HMGCS2: variants seen among roughly 807,000 people sequenced by gnomAD.
HMGCS2 encodes hydroxymethylglutaryl-CoA synthase, mitochondrial.
HMGCS2 carries 50 observed loss-of-function variants against 57.4 expected under a neutral mutation model. That is an observed-to-expected ratio of 0.87 (90% CI 0.69 to 1.10). The LOEUF is 1.10. Ranked by LOEUF, HMGCS2 falls within the 50% of genes least tolerant of loss-of-function variation. The pLI is 0.00. For synonymous variants in HMGCS2, 254 were observed against 245.1 expected (o/e 1.04, Z -0.34); for missense variants, 627 against 636.5 (o/e 0.99, Z 0.16).
intron 7 of HMGCS2, 120 bp downstream of exon 7, chr1:119,753,159 CT>C: frequency 1.4e-6 from 1 of 724,366 alleles, no homozygotes; most frequent in Non-Finnish European, 2.5e-6. Context: ...CAGTGATTTA[CT>C]TTGCTATTAA....
At chr1:119,760,423 G>A (rs373659883) in intron 2 of HMGCS2, among the ~76,000 whole-genome samples, 5 of 152,166 alleles carry the variant, frequency 3.3e-5, no homozygotes, top group African/African-American at 9.7e-5. Flanking sequence ...AATCCAATGA[G>A]GTAGGTAACA....
chr1:119,763,693 GA>G (rs1210345412), intron 2 of HMGCS2, among the ~76,000 whole-genome samples: 1 of 152,208 alleles, frequency 6.6e-6, no homozygotes, highest in Non-Finnish European at 1.5e-5. Flanking sequence ...AGAAAGAGTA[GA>G]AATACTCACA....
intron 1 of HMGCS2, 27 bp downstream of exon 1, chr1:119,768,714 C>G (rs777159343): frequency 6.7e-7 from 1 of 1,487,778 alleles, no homozygotes; most frequent in Middle Eastern, 1.7e-4. Context: ...TTACTAGTTA[C>G]AAGGTGCTTC....
chr1:119,749,556 G>A (rs587686554), intron 9 of HMGCS2, among the ~76,000 whole-genome samples: 5 of 152,214 alleles, frequency 3.3e-5, no homozygotes, highest in South Asian at 2.1e-4. Context: ...AACTGAGCTC[G>A]TCCTCTCAAA....
At chr1:119,766,086 C>G (rs1163225294) in intron 1 of HMGCS2, among the ~76,000 whole-genome samples, 5 of 152,190 alleles carry the variant, frequency 3.3e-5, no homozygotes. Flanking sequence ...GACCAATTCA[C>G]TTCTCTTTAA....
In HMGCS2 at chr1:119,764,152, A is replaced by G; in HGVS notation, c.559+20T>C. 6.2e-7 allele frequency: 1 copy of G among 1,608,418 alleles called. No homozygotes were observed. The highest frequency in any genetic ancestry group is 1.1e-5 in the South Asian group (1 of 90,928). ...CCAATTCCAGCACCTTTCTTACATA[A>G]GGTTCGTGGCCGTACATACCATCCC... On this transcript the variant is annotated intron_variant, in intron 2 of 9. Coordinates refer to ENST00000369406, the MANE Select transcript of HMGCS2 (RefSeq NM_005518.4).
chr1:119,759,094 C>G (rs1317884068), intron 4 of HMGCS2, 24 bp downstream of exon 4: 4 of 1,613,778 alleles, frequency 2.5e-6, no homozygotes, highest in Non-Finnish European at 2.5e-6. Flanking sequence ...AGAGCCCCCA[C>G]TTTCTGCCCT....
At position 119,759,915 on chromosome 1, in the gene HMGCS2, C is replaced by T. The variant is rs137852638; in HGVS notation, c.634G>A (p.Gly212Arg). The change falls in exon 3 of 10, where the codon GGA becomes AGA. Residue 212 changes from glycine (G) to arginine (R), a missense_variant. Coordinates refer to ENST00000369406, the MANE Select transcript of HMGCS2 (RefSeq NM_005518.4). The part of the protein sequence containing the change: ...SGNARPTGGA[G>R]AVAMLIGPKA... ...GGCCCAATCAGCATAGCCACAGCTCCGGCCCCACCTGTGGGACGAGCATTA... is the reference window on the plus strand; with the variant it reads ...GGCCCAATCAGCATAGCCACAGCTCTGGCCCCACCTGTGGGACGAGCATTA... The T allele has an allele frequency of 2.5e-4, 405 of 1,614,012 alleles. 1 individual carries two copies. Among genetic ancestry groups the T allele is most frequent in the Non-Finnish European group, 3.1e-4 (371 of 1,179,964 alleles).
intron 2 of HMGCS2, among the ~76,000 whole-genome samples, chr1:119,762,845 C>T (rs587712236): frequency 6.6e-6 from 1 of 152,334 alleles, no homozygotes; most frequent in South Asian, 2.1e-4. Flanking sequence ...CCCAGCCCCT[C>T]AGAAGAATCT....
In HMGCS2 at chr1:119,759,831, T is replaced by C. The variant is rs781454958; in HGVS notation, c.685+33A>G. 7.4e-6 allele frequency: 12 copies of C among 1,612,390 alleles called. No homozygotes were observed. In the South Asian group the frequency reaches 8.8e-5, roughly 12 times the overall value. On this transcript the variant is annotated intron_variant, in intron 3 of 9. Transcript: ENST00000369406. ...AGGATCTATGTTCTTGGCTATGCCATGCACAGCCTCTTGGTAATGGATTAC... is the reference window on the plus strand; with the variant it reads ...AGGATCTATGTTCTTGGCTATGCCACGCACAGCCTCTTGGTAATGGATTAC...
intron 1 of HMGCS2, among the ~76,000 whole-genome samples, chr1:119,765,564 T>C (rs587595074): frequency 7.2e-5 from 11 of 152,376 alleles, no homozygotes; most frequent in Non-Finnish European, 1.3e-4. Flanking sequence ...TGGCTTGTTG[T>C]AATCTTACTT....
At chr1:119,749,039 G>A (rs1463872544) in intron 9 of HMGCS2, among the ~76,000 whole-genome samples, 198 bp from the exon 10 acceptor site, 1 of 152,188 alleles carries the variant, frequency 6.6e-6, no homozygotes, top group African/African-American at 2.4e-5. Flanking sequence ...AAGGCTGGGG[G>A]TAGGCAGGGT....
intron 1 of HMGCS2, among the ~76,000 whole-genome samples, chr1:119,767,336 C>A (rs755353223): frequency 6.6e-6 from 1 of 152,106 alleles, no homozygotes; most frequent in Non-Finnish European, 1.5e-5. Context: ...TTGAGGCAAA[C>A]CTTGATGGAT....
chr1:119,767,766 T>C (rs1234354238), intron 1 of HMGCS2, among the ~76,000 whole-genome samples: 1 of 152,192 alleles, frequency 6.6e-6, no homozygotes, highest in Non-Finnish European at 1.5e-5. Context: ...GGCCAACTAT[T>C]GCTATTAAAA....
In HMGCS2 at chr1:119,750,966, G is replaced by T. The variant is rs915605984; in HGVS notation, c.1421-58C>A. 8.5e-6 allele frequency: 9 copies of T among 1,060,842 alleles called. No individual in the cohort carries two copies. In the East Asian group the frequency reaches 9.6e-5, roughly 11 times the overall value. 65.7% of individuals were successfully genotyped at this position (1,060,842 alleles called of 1,614,324 possible). On this transcript the variant is annotated intron_variant, in intron 8 of 9. Coordinates refer to ENST00000369406, the MANE Select transcript of HMGCS2 (RefSeq NM_005518.4). Reference sequence around the variant, plus strand: ...AAGAGTTATATGAGTTTTTGGAAGAGAAAATAGTAATGAAGATGTCTGCCC... The same window carrying T: ...AAGAGTTATATGAGTTTTTGGAAGATAAAATAGTAATGAAGATGTCTGCCC...
chr1:119,763,184 A>G (rs1376796264), intron 2 of HMGCS2, among the ~76,000 whole-genome samples: 3 of 152,242 alleles, frequency 2.0e-5, no homozygotes, highest in Non-Finnish European at 1.5e-5. Flanking sequence ...CTGCATGTAC[A>G]GAGATAAACT....
chr1:119,768,243 G>A (rs1411490959), intron 1 of HMGCS2, among the ~76,000 whole-genome samples: 1 of 152,186 alleles, frequency 6.6e-6, no homozygotes, highest in African/African-American at 2.4e-5. Context: ...CAAAGAGCAT[G>A]TACACATACA....
rs1064797117 is a variant in HMGCS2, at chr1:119,759,932, C to A, written c.617G>T (p.Arg206Leu). 6.2e-7 allele frequency: 1 copy of A among 1,613,922 alleles called. No individual in the cohort carries two copies. Among genetic ancestry groups the A allele is most frequent in the African/African-American group, 1.3e-5 (1 of 74,926 alleles). The change falls in exon 3 of 10, where the codon CGT (arginine) becomes CTT (leucine). Residue 206 changes from arginine (R) to leucine (L), a missense_variant. Physicochemically the swap from Arg to Leu is moderately radical, Grantham distance 102 (BLOSUM62 -2). Transcript: ENST00000369406. ...CACAGCTCCGGCCCCACCTGTGGGA[C>A]GAGCATTACCACTGGGATAGACGGC... ...DIAVYPSGNARPTGGAGAVAM... is the reference protein window; with the variant it reads ...DIAVYPSGNALPTGGAGAVAM...
chr1:119,755,328 C>T, intron 6 of HMGCS2, 99 bp downstream of exon 6: 1 of 1,178,064 alleles, frequency 8.5e-7, no homozygotes, highest in Non-Finnish European at 1.3e-6. Context: ...TTTTAAATTT[C>T]TGAGCCAAAA....
Sources: gnomAD v4.1 joint callset for allele counts (sites outside exome capture counted in the v4.1 genomes callset) on GRCh38, gnomAD v4.1.1 for gene constraint, MANE v1.5 for transcripts, NCBI Gene and HGNC (gene_info 2026-07-23, HGNC 2026-07-21) for gene names.